The following PRKG1 variants were observed in gnomAD, a reference collection of about 807,000 sequenced individuals.
PRKG1 encodes the protein cGMP-dependent protein kinase 1.
A neutral mutation model predicts 88.1 loss-of-function variants in PRKG1; 35 were observed. That is an observed-to-expected ratio of 0.40 (90% confidence interval 0.30 to 0.53). The LOEUF (loss-of-function observed/expected upper bound fraction) is 0.53. Ranked by LOEUF, PRKG1 falls within the 20% of genes least tolerant of loss-of-function variation. The pLI, the probability that PRKG1 is intolerant of heterozygous loss-of-function variation, is 0.59. For missense variants in PRKG1, 540 were observed against 839.8 expected, an observed-to-expected ratio of 0.64 and a Z score of 4.41; for synonymous variants, 303 against 292.5, an observed-to-expected ratio of 1.04 and a Z score of -0.37.
At chr10:52,071,135 C>A (rs1029702323) in intron 7 of PRKG1, among the ~76,000 whole-genome samples, 1 of 151,572 alleles carries the variant, frequency 6.6e-6, no homozygotes, top group South Asian at 2.1e-4. Context: ...TTTTCTTTTC[C>A]TTTATTTATT....
chr10:51,081,111 A>G (rs1844098720), intron 1 of PRKG1, among the ~76,000 whole-genome samples: 1 of 152,228 alleles, frequency 6.6e-6, no homozygotes, highest in Non-Finnish European at 1.5e-5. Context: ...TAAAATTCAT[A>G]TAAGCATTCC....
At chr10:51,062,964 A>T (rs1471747389) in intron 1 of PRKG1, 1 of 152,206 alleles carries the variant, frequency 6.6e-6, no homozygotes, top group African/African-American at 2.4e-5. Context: ...TTAAAAAAAT[A>T]CAAATAAGCT....
intron 3 of PRKG1, among the ~76,000 whole-genome samples, chr10:51,594,815 G>A (rs1917842): frequency 0.93 from 142,115 of 152,246 alleles, 66,356 homozygotes; most frequent in Middle Eastern, 0.97. Flanking sequence ...TTGATCACTT[G>A]AATTAGCAAA....
At chr10:51,171,707 T>C (rs1837030819) in intron 2 of PRKG1, among the ~76,000 whole-genome samples, 1 of 152,130 alleles carries the variant, frequency 6.6e-6, no homozygotes, top group Non-Finnish European at 1.5e-5. Flanking sequence ...GATTTCTTTA[T>C]TGAAATGAAG....
intron 2 of PRKG1, among the ~76,000 whole-genome samples, chr10:51,181,538 G>T (rs528212777): frequency 2.3e-4 from 35 of 152,224 alleles, no homozygotes; most frequent in African/African-American, 7.2e-4. Context: ...ACCGCGCCCG[G>T]CCTAGAATTT....
At chr10:52,108,851 G>T in intron 7 of PRKG1, among the ~76,000 whole-genome samples, 1 of 135,674 alleles carries the variant, frequency 7.4e-6, no homozygotes, top group Non-Finnish European at 1.5e-5. Flanking sequence ...TTTTGAGATG[G>T]AGTGTCGCTC....
intron 17 of PRKG1, among the ~76,000 whole-genome samples, chr10:52,291,068 A>T (rs1842229810): frequency 6.6e-6 from 1 of 151,170 alleles, no homozygotes; most frequent in Non-Finnish European, 1.5e-5. Context: ...GATTGTAGGC[A>T]AGTGCCACCA....
chr10:51,789,539 T>C (rs1247981025), intron 3 of PRKG1, among the ~76,000 whole-genome samples: 8 of 152,190 alleles, frequency 5.3e-5, no homozygotes, highest in African/African-American at 1.9e-4. Context: ...TTATTGATTC[T>C]AGAATGTTTC....
intron 7 of PRKG1, among the ~76,000 whole-genome samples, chr10:52,099,275 A>C (rs967689588): frequency 6.6e-6 from 1 of 152,160 alleles, no homozygotes; most frequent in East Asian, 1.9e-4. Context: ...GGAGAGGAAA[A>C]TGGTAGAACA....
At chr10:51,147,458 A>C (rs1156725845) in intron 1 of PRKG1, among the ~76,000 whole-genome samples, 1 of 152,070 alleles carries the variant, frequency 6.6e-6, no homozygotes, top group Non-Finnish European at 1.5e-5. Context: ...AACGAAGGAA[A>C]ATTAAGTTAC....
intron 9 of PRKG1, among the ~76,000 whole-genome samples, chr10:52,198,107 A>G (rs1420649646): frequency 6.6e-6 from 1 of 152,162 alleles, no homozygotes; most frequent in Non-Finnish European, 1.5e-5. Context: ...ATGTTCAAAT[A>G]GTTTATTATA....
chr10:51,573,421 T>G (rs1242156425), intron 3 of PRKG1, among the ~76,000 whole-genome samples: 1 of 151,952 alleles, frequency 6.6e-6, no homozygotes, highest in Non-Finnish European at 1.5e-5. Context: ...TTCCTTTTGG[T>G]TGGTTTAAAT....
chr10:51,743,464 A>G (rs952730861), intron 3 of PRKG1, among the ~76,000 whole-genome samples: 1 of 151,684 alleles, frequency 6.6e-6, no homozygotes, highest in Non-Finnish European at 1.5e-5. Flanking sequence ...AATCCCCAGG[A>G]GGAAGCCAGC....
intron 5 of PRKG1, among the ~76,000 whole-genome samples, chr10:52,039,198 A>T (rs1011114471): frequency 7.2e-5 from 11 of 152,120 alleles, no homozygotes; most frequent in Admixed American, 4.6e-4. Context: ...AGGCGGACTG[A>T]GTCCGAAAAG....
At position 51,563,591 on chromosome 10, in the gene PRKG1, T is replaced by C. The variant is rs562249279; in HGVS notation, c.592+95755T>C. On this transcript the variant is annotated intron_variant, in intron 3 of 17. Coordinates refer to ENST00000373980, the MANE Select transcript of PRKG1 (RefSeq NM_006258.4). ...GTAAAGGTTTGATACACTGCAGCTG[T>C]AACAACAGCAACAGAACGTTTGTCG... 5.3e-5 allele frequency among the ~76,000 whole-genome samples: 8 copies of C among 151,132 alleles called. No homozygotes were observed. In the South Asian group the frequency reaches 1.7e-3, roughly 32 times the overall value.
intron 11 of PRKG1, 75 bp downstream of exon 11, chr10:52,271,564 TGC>T (rs1841731199): frequency 6.6e-7 from 1 of 1,518,684 alleles, no homozygotes; most frequent in African/African-American, 1.4e-5. Flanking sequence ...CTGCCACTTG[TGC>T]TCACTGTTAA....
intron 3 of PRKG1, among the ~76,000 whole-genome samples, chr10:51,694,702 GA>G (rs1487678454): frequency 6.6e-6 from 1 of 152,136 alleles, no homozygotes; most frequent in Non-Finnish European, 1.5e-5. Flanking sequence ...ATGAATTGGT[GA>G]TTTTATTTTA....
At chr10:51,135,256 C>T (rs975184197) in intron 1 of PRKG1, among the ~76,000 whole-genome samples, 2 of 152,102 alleles carry the variant, frequency 1.3e-5, no homozygotes, top group African/African-American at 4.8e-5. Flanking sequence ...ATATGCCAAG[C>T]AAGATCTGGG....
rs1018726694 is a variant in PRKG1, at chr10:52,256,906, T to G, written c.1173+5240T>G. Among the ~76,000 whole-genome samples, 5 of 139,212 alleles carry G rather than the reference T, an allele frequency of 3.6e-5. 1 individual carries two copies. Among genetic ancestry groups the G allele is most frequent in the Non-Finnish European group, 6.5e-5 (4 of 61,594 alleles). 91.3% of individuals were successfully genotyped at this position (139,212 alleles called of 152,430 possible). On this transcript the variant is annotated intron_variant, in intron 10 of 17. Transcript: ENST00000373980. ...TTCAATATCCCTTATGCTGAACCTG[T>G]GTGCCCCTGAAGTAGCCTGCTTTTA...
Sources: allele counts gnomAD v4.1 joint callset (sites outside exome capture counted in the v4.1 genomes callset), GRCh38; gene constraint gnomAD v4.1.1; transcripts MANE v1.5; gene names NCBI Gene and HGNC (gene_info 2026-07-23, HGNC 2026-07-21).